Variants in FAM153A observed in about 807,000 individuals in gnomAD.
FAM153A encodes the protein family with sequence similarity 153 member A.
A neutral mutation model predicts 48.1 loss-of-function variants in FAM153A; 12 were observed. The observed-to-expected ratio is 0.25, with a 90% CI of 0.16 to 0.40. The LOEUF (loss-of-function observed/expected upper bound fraction) is 0.40, where lower values mean the gene tolerates loss of function less well. FAM153A is among the 10% of genes least tolerant of loss of function. FAM153A has a pLI of 1.00. For synonymous variants in FAM153A, 36 were observed against 118.2 expected (o/e 0.30, Z 4.51); for missense variants, 111 against 345.8 (o/e 0.32, Z 5.38).
chr5:177,756,197 T>G (rs1374837312), upstream of FAM153A, among the ~76,000 whole-genome samples: 3 of 150,308 alleles, frequency 2.0e-5, no homozygotes, highest in Non-Finnish European at 1.5e-5. Context: ...TAATCTCTGA[T>G]AAAACAGACT....
chr5:177,737,063 C>G (rs1764781942), exon 11 of FAM153A: 1 of 1,544,014 alleles, frequency 6.5e-7, no homozygotes, highest in African/African-American at 1.5e-5. Flanking sequence ...CTGTGGCTTC[C>G]TCAGAGACTG....
chr5:177,755,147 G>T (rs1479892255), upstream of FAM153A, among the ~76,000 whole-genome samples: 2 of 151,908 alleles, frequency 1.3e-5, no homozygotes, highest in Admixed American at 6.6e-5. Context: ...TAAATGACCT[G>T]ATGGAGCTGA....
Position 177,760,234 on chromosome 5 carries a change from C to CTTTTTTTTTTTT in FAM153A, c.-56-11536_-56-11535insAAAAAAAAAAAA, listed in dbSNP as rs1337707844. 2.1e-5 allele frequency among the ~76,000 whole-genome samples: 2 copies of CTTTTTTTTTTTT among 96,860 alleles called. 1 individual carries two copies. Among genetic ancestry groups the CTTTTTTTTTTTT allele is most frequent in the African/African-American group, 8.4e-5 (2 of 23,786 alleles). 63.5% of individuals were successfully genotyped at this position (96,860 alleles called of 152,430 possible). On this transcript the variant is annotated intron_variant, in intron 1 of 8. Transcript: ENST00000393518. Reference sequence around the variant, plus strand: ...TCTCTTAATGCCAAATTGGGAAAGACCTTTTTTTTTTTTTTTTTTTGAGAT... The same window carrying CTTTTTTTTTTTT: ...TCTCTTAATGCCAAATTGGGAAAGACTTTTTTTTTTTTCTTTTTTTTTTTTTTTTTTTGAGAT...
chr5:177,707,707 G>A (rs933430594), downstream of FAM153A, among the ~76,000 whole-genome samples: 1 of 151,456 alleles, frequency 6.6e-6, no homozygotes, highest in Non-Finnish European at 1.5e-5. Flanking sequence ...TTACAGTCAT[G>A]CGCCACCACG....
chr5:177,713,489 C>T (rs192633834), intron 26 of FAM153A, among the ~76,000 whole-genome samples: 1,955 of 151,626 alleles, frequency 0.013, 92 homozygotes, highest in African/African-American at 0.046. Context: ...GATCTCCTGA[C>T]CTCGTGATCC....
intron 10 of FAM153A, among the ~76,000 whole-genome samples, chr5:177,738,736 A>C (rs1339419384): frequency 6.6e-6 from 1 of 151,416 alleles, no homozygotes; most frequent in Non-Finnish European, 1.5e-5. Flanking sequence ...AGTGACGTTA[A>C]GGTGTGCAGT....
At chr5:177,703,313 T>C (rs1757610132), downstream of FAM153A, among the ~76,000 whole-genome samples, 2 of 152,112 alleles carry the variant, frequency 1.3e-5, no homozygotes, top group Admixed American at 1.3e-4. Flanking sequence ...GTTTCAGACT[T>C]GCATGGGGCC....
At chr5:177,738,825 C>T (rs966847884) in intron 10 of FAM153A, among the ~76,000 whole-genome samples, 2 of 151,698 alleles carry the variant, frequency 1.3e-5, no homozygotes, top group Non-Finnish European at 2.9e-5. Context: ...GAGAAATGTA[C>T]ACATCCTCCC....
rs4079422 is a variant in FAM153A, at chr5:177,739,052, G to T, written c.562+61C>A. 6 of 1,541,180 alleles carry T rather than the reference G, an allele frequency of 3.9e-6. No individual in the cohort carries two copies. In the Admixed American group the frequency reaches 5.3e-5, roughly 14 times the overall value. On this transcript the variant is annotated intron_variant, in intron 10 of 20. Coordinates refer to ENST00000614127, the Ensembl canonical transcript of FAM153A. Reference sequence around the variant, plus strand: ...TTCTCCAGAAAACGCAGGCAAGAACGTGTCACCTTTCTCAACACTAAGATT... The same window carrying T: ...TTCTCCAGAAAACGCAGGCAAGAACTTGTCACCTTTCTCAACACTAAGATT...
chr5:177,706,007 G>A (rs1757852018), downstream of FAM153A, among the ~76,000 whole-genome samples: 1 of 151,700 alleles, frequency 6.6e-6, no homozygotes, highest in African/African-American at 2.4e-5. Flanking sequence ...AAGACATTTT[G>A]CATGCATGGA....
the FAM153A span, among the ~76,000 whole-genome samples, chr5:177,697,351 G>A: frequency 1.3e-5 from 2 of 151,790 alleles, no homozygotes; most frequent in East Asian, 3.9e-4. Flanking sequence ...GTTTAGCTGG[G>A]TGGTTTTGCT....
Position 177,743,196 on chromosome 5 carries a change from T to G in FAM153A, c.364+1198A>C, listed in dbSNP as rs1327306362. On this transcript the variant is annotated intron_variant, in intron 6 of 20. Transcript: ENST00000614127. ...AAACCAACTGCATTCACTTGTTTTT[T>G]TTTTGTTTTGTTTTTTTTTTTTTTG... Among the ~76,000 whole-genome samples the G allele has an allele frequency of 1.2e-4, 6 of 48,160 alleles. 1 individual carries two copies. The highest frequency in any genetic ancestry group is 3.1e-4 in the African/African-American group (5 of 16,108). 31.6% of individuals were successfully genotyped at this position (48,160 alleles called of 152,430 possible).
chr5:177,695,080 T>C, the FAM153A span, among the ~76,000 whole-genome samples: 1 of 132,280 alleles, frequency 7.6e-6, no homozygotes, highest in Non-Finnish European at 1.6e-5. Context: ...CATGCCACCA[T>C]GCCTGGCTAA....
chr5:177,754,050 C>G (rs916299012), upstream of FAM153A, among the ~76,000 whole-genome samples: 1 of 151,900 alleles, frequency 6.6e-6, no homozygotes. Context: ...TTGCCTCACC[C>G]AGGAAGTGCA....
downstream of FAM153A, among the ~76,000 whole-genome samples, chr5:177,719,374 A>G (rs1760618068): frequency 6.8e-6 from 1 of 146,366 alleles, no homozygotes; most frequent in South Asian, 2.3e-4. Flanking sequence ...TGGTGTGGCA[A>G]ATGGTTACCT....
At chr5:177,718,446 T>C (rs1226276537), downstream of FAM153A, 1 of 125,930 alleles carries the variant, frequency 7.9e-6, no homozygotes, top group Non-Finnish European at 1.8e-5. Flanking sequence ...GACTGTAACA[T>C]ACCTGACTAG....
At chr5:177,761,089 A>G (rs150050666) in intron 1 of FAM153A, among the ~76,000 whole-genome samples, 17,226 of 147,516 alleles carry the variant, frequency 0.12, 1,303 homozygotes, top group East Asian at 0.31. Context: ...TGGATATGCC[A>G]TCATGCACAG....
chr5:177,700,445 C>CA, the FAM153A span, among the ~76,000 whole-genome samples: 4 of 151,870 alleles, frequency 2.6e-5, no homozygotes, highest in East Asian at 5.8e-4. Context: ...AAGGCATCTA[C>CA]AAAAAAACTA....
chr5:177,708,808 T>G (rs1758086829), downstream of FAM153A, among the ~76,000 whole-genome samples: 1 of 151,108 alleles, frequency 6.6e-6, no homozygotes, highest in African/African-American at 2.4e-5. Flanking sequence ...AAAAGCCTAG[T>G]CTTGGACCGG....
Sources: allele counts gnomAD v4.1 joint callset (sites outside exome capture counted in the v4.1 genomes callset), GRCh38; gene constraint gnomAD v4.1.1; transcripts MANE v1.5; gene names NCBI Gene and HGNC (gene_info 2026-07-23, HGNC 2026-07-21).